The following PHEX variants were observed in gnomAD, a reference collection of about 807,000 sequenced individuals.
PHEX encodes phosphate-regulating neutral endopeptidase PHEX.
In PHEX, 16 loss-of-function variants were observed where a neutral mutation model predicts 68.0. That is an observed-to-expected ratio of 0.24 (90% CI 0.16 to 0.36). PHEX has a LOEUF of 0.36. Among genes scored for constraint, PHEX ranks in the 10% least tolerant of loss-of-function variants. The pLI is 1.00. For synonymous variants in PHEX, 208 were observed against 205.1 expected, an observed-to-expected ratio of 1.01 and a Z score of -0.12; for missense variants, 480 against 575.5, an observed-to-expected ratio of 0.83 and a Z score of 1.70.
intron 20 of PHEX, among the ~76,000 whole-genome samples, chrX:22,241,399 C>T (rs1407421286): frequency 9.0e-6 from 1 of 111,111 alleles, no homozygotes; most frequent in East Asian, 2.8e-4. Context: ...ATTCAAAAGC[C>T]AGCAGAAAAC....
intron 5 of PHEX, among the ~76,000 whole-genome samples, chrX:22,083,868 G>A (rs1929499394): frequency 9.0e-6 from 1 of 111,618 alleles, no homozygotes; most frequent in South Asian, 3.7e-4. Context: ...TTCTAGTATT[G>A]CGCTGAATAA....
At chrX:22,058,341 C>T (rs1049152790) in intron 3 of PHEX, among the ~76,000 whole-genome samples, 1 of 112,257 alleles carries the variant, frequency 8.9e-6, no homozygotes, top group Non-Finnish European at 1.9e-5. Context: ...AAATGGAATC[C>T]GTTGCTACTG....
chrX:22,099,573 CTG>C (rs999256543), intron 9 of PHEX, among the ~76,000 whole-genome samples: 1 of 107,477 alleles, frequency 9.3e-6, no homozygotes, highest in African/African-American at 3.4e-5. Context: ...ACTAAAGTAA[CTG>C]TATTGAGAAG....
chrX:22,232,098 C>A (rs1602418974), intron 20 of PHEX, among the ~76,000 whole-genome samples: 1 of 111,936 alleles, frequency 8.9e-6, no homozygotes, highest in East Asian at 2.8e-4. Context: ...TTTCTTAATC[C>A]TGAGTTCTAA....
chrX:22,047,072 A>G lies in PHEX; in HGVS notation c.210A>G (p.Val70=). 2 of 1,209,818 alleles carry G rather than the reference A, an allele frequency of 1.7e-6. No homozygotes were observed. The highest frequency in any genetic ancestry group is 1.7e-5 in the African/African-American group (1 of 57,857). The change falls in exon 3 of 22, where the codon GTA becomes GTG. Residue 70 remains valine, a synonymous_variant. Transcript: ENST00000379374. ...TAGCTGCTGCCATCTTAAGTAAAGT[A>G]AATCTGTCTGTGGATCCTTGTGATA... ...IEAAAAILSK[V]NLSVDPCDNF...
rs760451270 is a variant in PHEX at position 22,099,008 on chromosome X, C to T, written c.936C>T (p.Phe312=). ...TGTTTTGTTCTCTCTCCCCTCAGTTCGACTGGCTGGGCTACATCAAGAAGG... is the reference window on the plus strand; with the variant it reads ...TGTTTTGTTCTCTCTCCCCTCAGTTTGACTGGCTGGGCTACATCAAGAAGG... ...ISELSAMIPQ[F]DWLGYIKKVI... The change falls in exon 9 of 22, where the codon TTC becomes TTT. Residue 312 remains phenylalanine (F), a splice_region_variant and synonymous_variant. Coordinates refer to ENST00000379374, the MANE Select transcript of PHEX (RefSeq NM_000444.6). The T allele has an allele frequency of 3.3e-6, 4 of 1,208,898 alleles. No individual in the cohort carries two copies. The highest frequency in any genetic ancestry group is 1.8e-5 in the South Asian group (1 of 56,868).
chrX:22,156,382 C>T (rs1324710129), intron 12 of PHEX, among the ~76,000 whole-genome samples: 4 of 109,599 alleles, frequency 3.6e-5, no homozygotes, highest in Non-Finnish European at 5.7e-5. Context: ...GGGGGATTTA[C>T]GACAGTTGAA....
At chrX:22,061,244 C>G (rs773014331) in intron 3 of PHEX, among the ~76,000 whole-genome samples, 70 of 111,802 alleles carry the variant, frequency 6.3e-4, no homozygotes, top group African/African-American at 2.1e-3. Flanking sequence ...GAATGGAAGC[C>G]CTACAAAAAT....
intron 20 of PHEX, among the ~76,000 whole-genome samples, chrX:22,244,523 AC>A (rs1569441930): frequency 9.0e-6 from 1 of 110,773 alleles, no homozygotes; most frequent in Non-Finnish European, 1.9e-5. Flanking sequence ...AATCGCTTGA[AC>A]CCAGGAGGTG....
rs145507603 is a variant in PHEX, at chrX:22,035,539, T to C, written c.118+2416T>C. Among the ~76,000 whole-genome samples, 941 of 112,789 alleles carry C rather than the reference T, an allele frequency of 8.3e-3. 16 individuals carry two copies. Among genetic ancestry groups the C allele is most frequent in the African/African-American group, 0.029 (893 of 31,074 alleles). On this transcript the variant is annotated intron_variant, in intron 1 of 21. Coordinates refer to ENST00000379374, the MANE Select transcript of PHEX (RefSeq NM_000444.6). ...CTGAAATTGGAATGTTATATACTTT[T>C]CATATGTCATGAAATATTATTTTCC...
At chrX:22,164,742 CT>C (rs1311185910) in intron 12 of PHEX, among the ~76,000 whole-genome samples, 1 of 112,193 alleles carries the variant, frequency 8.9e-6, no homozygotes, top group African/African-American at 3.2e-5. Context: ...ATGCATATGA[CT>C]TATAGCGAGC....
chrX:22,115,288 G>A (rs994202577), intron 11 of PHEX, among the ~76,000 whole-genome samples: 7 of 112,181 alleles, frequency 6.2e-5, no homozygotes, highest in African/African-American at 2.3e-4. Flanking sequence ...CCGAGATCGC[G>A]CCACTGCCCT....
At chrX:22,058,189 GA>G (rs368181258) in intron 3 of PHEX, among the ~76,000 whole-genome samples, 1,203 of 99,784 alleles carry the variant, frequency 0.012, 10 homozygotes, top group African/African-American at 0.034. Context: ...TCTGAGAAAA[GA>G]AAAAAAAAAA....
chrX:22,120,756 G>A (rs1415679998), intron 11 of PHEX, among the ~76,000 whole-genome samples: 1 of 111,812 alleles, frequency 8.9e-6, no homozygotes, highest in Non-Finnish European at 1.9e-5. Context: ...CCTGATGTTT[G>A]CAGTGGTAAC....
In PHEX at chrX:22,114,867, A is replaced by G. The variant is rs190793182; in HGVS notation, c.1302+281A>G. ...GAATGTAGTATAGCTGCTTGAGGGC[A>G]GGCATGTCCAGATGTAGGTGAGGTT... On this transcript the variant is annotated intron_variant, in intron 11 of 21. Transcript: ENST00000379374. Among the ~76,000 whole-genome samples, 4 of 111,277 alleles carry G rather than the reference A, an allele frequency of 3.6e-5. No homozygotes were observed. The East Asian group carries it at 8.5e-4, about 24-fold the overall frequency.
intron 15 of PHEX, among the ~76,000 whole-genome samples, chrX:22,207,601 AAAAC>A (rs1365365931): frequency 9.0e-6 from 1 of 111,610 alleles, no homozygotes; most frequent in African/African-American, 3.3e-5. Flanking sequence ...AAAAAATAAG[AAAAC>A]AAATAAATAA....
chrX:22,103,755 C>G (rs1441249518), intron 9 of PHEX, among the ~76,000 whole-genome samples: 1 of 112,202 alleles, frequency 8.9e-6, no homozygotes, highest in Admixed American at 9.5e-5. Context: ...AATTGTGCTG[C>G]TGCTATAAAC....
chrX:22,213,279 C>T (rs1481837718), intron 16 of PHEX, among the ~76,000 whole-genome samples: 2 of 111,708 alleles, frequency 1.8e-5, no homozygotes, highest in East Asian at 5.6e-4. Context: ...AGTCTAAAAC[C>T]ATTCCAGGTA....
At chrX:22,206,972 T>A (rs1934732371) in intron 15 of PHEX, among the ~76,000 whole-genome samples, 1 of 112,112 alleles carries the variant, frequency 8.9e-6, no homozygotes, top group Admixed American at 9.5e-5. Context: ...TTTATGACTA[T>A]AAAAGTCAAA....
Sources: allele counts gnomAD v4.1 joint callset (sites outside exome capture counted in the v4.1 genomes callset), GRCh38; gene constraint gnomAD v4.1.1; transcripts MANE v1.5; gene names NCBI Gene and HGNC (gene_info 2026-07-23, HGNC 2026-07-21).